Variants in AK9 observed in about 807,000 individuals in gnomAD.
AK9 encodes adenylate kinase 9.
Under a neutral mutation model 239.6 loss-of-function variants are expected in AK9, and 191 were observed. The observed-to-expected ratio is 0.80, with a 90% CI of 0.71 to 0.90. The LOEUF (loss-of-function observed/expected upper bound fraction) is 0.90. Ranked by LOEUF, AK9 falls within the 40% of genes least tolerant of loss-of-function variation. AK9 has a pLI of 0.00. For missense variants in AK9, 1,995 were observed against 2,214.7 expected (o/e 0.90, Z 1.99); for synonymous variants, 689 against 721.0 (o/e 0.96, Z 0.71).
intron 19 of AK9, among the ~76,000 whole-genome samples, chr6:109,584,624 C>A (rs1789259418): frequency 6.6e-6 from 1 of 152,076 alleles, no homozygotes; most frequent in South Asian, 2.1e-4. Context: ...TTTAAAAAGT[C>A]ATTCATTATA....
chr6:109,550,558 A>G, intron 24 of AK9: 1 of 285,518 alleles, frequency 3.5e-6, no homozygotes, highest in Non-Finnish European at 6.4e-6. Context: ...CCAGTCCTCT[A>G]CCAACAGAGA....
chr6:109,543,733 C>T (rs531957304), intron 26 of AK9, among the ~76,000 whole-genome samples: 32 of 152,048 alleles, frequency 2.1e-4, no homozygotes, highest in Non-Finnish European at 3.5e-4. Context: ...CAGGCGTGAG[C>T]GACCGTGCCT....
intron 21 of AK9, among the ~76,000 whole-genome samples, chr6:109,569,624 T>C (rs1787117335): frequency 6.6e-6 from 1 of 152,106 alleles, no homozygotes; most frequent in South Asian, 2.1e-4. Context: ...GCAAAGGATA[T>C]GAACAGACAC....
At chr6:109,520,303 G>A (rs1034517033) in intron 29 of AK9, among the ~76,000 whole-genome samples, 10 of 152,152 alleles carry the variant, frequency 6.6e-5, no homozygotes, top group Non-Finnish European at 8.8e-5. Context: ...TATGGTGAAA[G>A]GTAGGCATCC....
intron 24 of AK9, among the ~76,000 whole-genome samples, chr6:109,556,062 G>C (rs1784977365): frequency 6.6e-6 from 1 of 152,104 alleles, no homozygotes; most frequent in Admixed American, 6.6e-5. Flanking sequence ...GATGCTATTT[G>C]CTTATTTTGC....
intron 29 of AK9, among the ~76,000 whole-genome samples, chr6:109,526,044 C>T (rs1582840113): frequency 6.6e-6 from 1 of 152,270 alleles, no homozygotes; most frequent in East Asian, 1.9e-4. Context: ...GAACAGAAAA[C>T]CAACTACTGC....
At chr6:109,578,254 A>G (rs1788380511) in intron 20 of AK9, among the ~76,000 whole-genome samples, 1 of 151,842 alleles carries the variant, frequency 6.6e-6, no homozygotes, top group African/African-American at 2.4e-5. Context: ...TTTTTAGTAG[A>G]GCTGGGGTTT....
At chr6:109,628,446 G>A (rs1481299013) in intron 12 of AK9, among the ~76,000 whole-genome samples, 1 of 152,140 alleles carries the variant, frequency 6.6e-6, no homozygotes, top group Non-Finnish European at 1.5e-5. Flanking sequence ...TCAGGAAACT[G>A]TCCCTATCCA....
intron 9 of AK9, among the ~76,000 whole-genome samples, chr6:109,643,307 C>T (rs985325176): frequency 2.0e-5 from 3 of 152,216 alleles, no homozygotes; most frequent in African/African-American, 7.2e-5. Context: ...GCACTGTTAC[C>T]ATGCTGCCAC....
chr6:109,584,870 T>C (rs1353604531), intron 19 of AK9, among the ~76,000 whole-genome samples: 1 of 152,154 alleles, frequency 6.6e-6, no homozygotes, highest in African/African-American at 2.4e-5. Context: ...ATTTTTTAAA[T>C]AGTGTCTTTT....
intron 26 of AK9, among the ~76,000 whole-genome samples, chr6:109,542,789 C>T (rs749630363): frequency 1.3e-5 from 2 of 152,020 alleles, no homozygotes; most frequent in Non-Finnish European, 2.9e-5. Context: ...AAAGTAATTG[C>T]GGTTTTTGCT....
intron 27 of AK9, among the ~76,000 whole-genome samples, chr6:109,539,713 T>C (rs2128144872): frequency 6.6e-6 from 1 of 152,278 alleles, no homozygotes; most frequent in African/African-American, 2.4e-5. Context: ...TCTGCTCTGT[T>C]TTTTCCCCAT....
intron 38 of AK9, among the ~76,000 whole-genome samples, chr6:109,497,112 G>C (rs1777119144): frequency 6.6e-6 from 1 of 151,940 alleles, no homozygotes; most frequent in African/African-American, 2.4e-5. Flanking sequence ...AGGTCCCTCT[G>C]CTTGGAACAT....
At chr6:109,687,020 TAAG>T (rs775311685) in intron 1 of AK9, among the ~76,000 whole-genome samples, 1 of 152,196 alleles carries the variant, frequency 6.6e-6, no homozygotes, top group Non-Finnish European at 1.5e-5. Flanking sequence ...TGGAATTCCC[TAAG>T]AAGAGCTGAC....
At chr6:109,669,697 C>T (rs1027108673) in intron 5 of AK9, among the ~76,000 whole-genome samples, 2 of 152,120 alleles carry the variant, frequency 1.3e-5, no homozygotes, top group Admixed American at 1.3e-4. Flanking sequence ...TTGCTTCTAC[C>T]TTCTACCAGG....
At chr6:109,687,045 A>G (rs143551944) in intron 1 of AK9, among the ~76,000 whole-genome samples, 365 of 152,346 alleles carry the variant, frequency 2.4e-3, no homozygotes, top group Non-Finnish European at 3.5e-3. Flanking sequence ...GAAAATGAAA[A>G]CAAAATTCAT....
rs563637929 is a variant in AK9, at chr6:109,584,815, T to G, written c.2114+308A>C. Among the ~76,000 whole-genome samples the G allele has an allele frequency of 4.6e-5, 7 of 152,236 alleles. No homozygotes were observed. The East Asian group carries it at 1.3e-3, about 29-fold the overall frequency. Reference sequence around the variant, plus strand: ...ATTTGTAAATGCTAGTTAACAAAATTAAGTCACAGATAAATATAACAATAT... The same window carrying G: ...ATTTGTAAATGCTAGTTAACAAAATGAAGTCACAGATAAATATAACAATAT... On this transcript the variant is annotated intron_variant, in intron 19 of 40. Coordinates refer to ENST00000424296, the MANE Select transcript of AK9 (RefSeq NM_001145128.3).
intron 3 of AK9, 23 bp from the exon 4 acceptor site, chr6:109,672,190 T>A: frequency 6.3e-7 from 1 of 1,585,950 alleles, no homozygotes; most frequent in Non-Finnish European, 8.6e-7. Flanking sequence ...TTCAAAATAT[T>A]AATACAGACT....
intron 16 of AK9, among the ~76,000 whole-genome samples, chr6:109,611,159 A>G (rs1233412809): frequency 6.6e-6 from 1 of 152,156 alleles, no homozygotes; most frequent in Non-Finnish European, 1.5e-5. Context: ...CCTCTGCCTC[A>G]GGGCTCCAAC....
Sources: allele counts gnomAD v4.1 joint callset (sites outside exome capture counted in the v4.1 genomes callset), GRCh38; gene constraint gnomAD v4.1.1; transcripts MANE v1.5; gene names NCBI Gene and HGNC (gene_info 2026-07-23, HGNC 2026-07-21).